TYW1B: variants seen among roughly 807,000 people sequenced by gnomAD.
The protein encoded by TYW1B is tRNA-yW synthesizing protein 1 homolog B, also known as S-adenosyl-L-methionine-dependent tRNA 4-demethylwyosine synthase TYW1B.
In TYW1B, 73 loss-of-function variants were observed where a neutral mutation model predicts 86.9. The ratio of observed to expected loss-of-function variants is 0.84; its 90% CI spans 0.70 to 1.02. TYW1B has a LOEUF of 1.02. Among genes scored for constraint, TYW1B ranks in the 50% least tolerant of loss-of-function variants. The probability of loss-of-function intolerance (pLI) is 0.00; values close to 1 mark genes in which losing one functional copy is unlikely to be tolerated. For missense variants in TYW1B, 637 were observed against 827.4 expected, an observed-to-expected ratio of 0.77 and a Z score of 2.82; for synonymous variants, 248 against 292.8, an observed-to-expected ratio of 0.85 and a Z score of 1.56.
chr7:72,724,746 GA>G (rs35378769), intron 9 of TYW1B, among the ~76,000 whole-genome samples: 2 of 150,944 alleles, frequency 1.3e-5, no homozygotes, highest in Non-Finnish European at 1.5e-5. Context: ...ATTCAGATAT[GA>G]AAAAAAAATC....
intron 7 of TYW1B, among the ~76,000 whole-genome samples, chr7:72,763,739 G>C (rs1294969078): frequency 9.9e-5 from 15 of 152,158 alleles, no homozygotes; most frequent in Admixed American, 9.8e-4. Context: ...GGTTTCCACA[G>C]AATCAAAATC....
chr7:72,719,981 G>A (rs1786865603), intron 9 of TYW1B, among the ~76,000 whole-genome samples: 1 of 152,026 alleles, frequency 6.6e-6, no homozygotes, highest in Non-Finnish European at 1.5e-5. Flanking sequence ...GTTCTCCGTT[G>A]AGAACAGAGG....
chr7:72,779,363 A>G (rs868941795), intron 6 of TYW1B, among the ~76,000 whole-genome samples: 3 of 152,424 alleles, frequency 2.0e-5, no homozygotes, highest in Admixed American at 6.5e-5. Flanking sequence ...AGAATTCACT[A>G]TATCACTCTG....
intron 7 of TYW1B, among the ~76,000 whole-genome samples, chr7:72,774,508 G>C (rs1247012731): frequency 2.0e-5 from 3 of 151,956 alleles, no homozygotes; most frequent in African/African-American, 7.3e-5. Context: ...AGATCAGGAG[G>C]TCAGGAGATA....
chr7:72,600,887 T>A (rs1811649933), intron 13 of TYW1B, among the ~76,000 whole-genome samples: 1 of 151,314 alleles, frequency 6.6e-6, no homozygotes, highest in Admixed American at 6.6e-5. Flanking sequence ...CCGGGCGTGG[T>A]GGCTCACAAC....
chr7:72,783,572 A>G (rs1209716233), intron 6 of TYW1B, among the ~76,000 whole-genome samples: 1 of 152,204 alleles, frequency 6.6e-6, no homozygotes, highest in Non-Finnish European at 1.5e-5. Context: ...TTTCTTTAAT[A>G]AATGAATCTC....
chr7:72,589,264 T>C (rs1313209151), intron 13 of TYW1B, among the ~76,000 whole-genome samples: 1 of 152,216 alleles, frequency 6.6e-6, no homozygotes, highest in Non-Finnish European at 1.5e-5. Flanking sequence ...GGTTGCTGAA[T>C]TTATCAGCAG....
intron 12 of TYW1B, among the ~76,000 whole-genome samples, chr7:72,620,990 T>C (rs1554437885): frequency 6.6e-6 from 1 of 152,110 alleles, no homozygotes; most frequent in Non-Finnish European, 1.5e-5. Flanking sequence ...TTTTATAGCC[T>C]GGTAGCTTTT....
At chr7:72,600,835 C>A (rs1731664213) in intron 13 of TYW1B, among the ~76,000 whole-genome samples, 1 of 151,896 alleles carries the variant, frequency 6.6e-6, no homozygotes, top group African/African-American at 2.4e-5. Context: ...GCACTCCAGC[C>A]TGGGCGACAG....
At chr7:72,603,678 G>T (rs1811728668) in intron 13 of TYW1B, among the ~76,000 whole-genome samples, 1 of 152,146 alleles carries the variant, frequency 6.6e-6, no homozygotes. Flanking sequence ...GGTCAGCATT[G>T]TTAGTCATAA....
chr7:72,663,010 T>G (rs1312587059), intron 11 of TYW1B, among the ~76,000 whole-genome samples: 3 of 152,202 alleles, frequency 2.0e-5, no homozygotes, highest in Non-Finnish European at 4.4e-5. Context: ...AAATCAAACA[T>G]GATGATTCTC....
At chr7:72,770,018 A>C (rs1453974985) in intron 7 of TYW1B, among the ~76,000 whole-genome samples, 1 of 151,888 alleles carries the variant, frequency 6.6e-6, no homozygotes, top group Non-Finnish European at 1.5e-5. Flanking sequence ...AGGTGCAGTG[A>C]TACAAGATTG....
At chr7:72,685,279 T>C (rs1216474952) in intron 11 of TYW1B, among the ~76,000 whole-genome samples, 1 of 150,732 alleles carries the variant, frequency 6.6e-6, no homozygotes. Flanking sequence ...ATTAATATGC[T>C]AAGAAAGGAG....
At chr7:72,587,220 T>C (rs1554430631) in intron 13 of TYW1B, among the ~76,000 whole-genome samples, 2 of 152,102 alleles carry the variant, frequency 1.3e-5, no homozygotes, top group Non-Finnish European at 1.5e-5. Flanking sequence ...GATTTTGGAA[T>C]ACTGAGGGGT....
At chr7:72,586,312 T>C (rs1197471235) in intron 13 of TYW1B, among the ~76,000 whole-genome samples, 1 of 152,222 alleles carries the variant, frequency 6.6e-6, no homozygotes, top group Non-Finnish European at 1.5e-5. Context: ...AAGATTTTAC[T>C]GCAGCTCAGT....
At chr7:72,698,813 T>C (rs1457852927) in intron 10 of TYW1B, among the ~76,000 whole-genome samples, 1 of 152,154 alleles carries the variant, frequency 6.6e-6, no homozygotes, top group Non-Finnish European at 1.5e-5. Flanking sequence ...ACAAACAGTA[T>C]TCCATAAATG....
At chr7:72,822,758 T>G (rs1228179376) in intron 2 of TYW1B, 3 of 152,218 alleles carry the variant, frequency 2.0e-5, no homozygotes, top group Non-Finnish European at 4.4e-5. Flanking sequence ...CCTCTAACCC[T>G]AGACAGAAGG....
At chr7:72,813,268 C>A (rs569886447) in intron 3 of TYW1B, among the ~76,000 whole-genome samples, 41 of 151,596 alleles carry the variant, frequency 2.7e-4, no homozygotes, top group African/African-American at 9.2e-4. Context: ...CTCCACCTCC[C>A]AGGTTCAAGC....
In TYW1B at chr7:72,663,913, T is replaced by C. The variant is rs547490032; in HGVS notation, c.1506+30774A>G. 2.6e-5 allele frequency among the ~76,000 whole-genome samples: 4 copies of C among 151,682 alleles called. No individual in the cohort carries two copies. In the South Asian group the frequency reaches 8.3e-4, roughly 32 times the overall value. On this transcript the variant is annotated intron_variant, in intron 11 of 13. Transcript: ENST00000620995. Reference sequence around the variant, plus strand: ...CAAACCATTTACACATATATCACAATAACTCAAGAATCCTGAGAAACAGGT... The same window carrying C: ...CAAACCATTTACACATATATCACAACAACTCAAGAATCCTGAGAAACAGGT...
Sources: allele counts gnomAD v4.1 joint callset (sites outside exome capture counted in the v4.1 genomes callset), GRCh38; gene constraint gnomAD v4.1.1; transcripts MANE v1.5; gene names NCBI Gene and HGNC (gene_info 2026-07-23, HGNC 2026-07-21).